AP1M1: variants seen among roughly 807,000 people sequenced by gnomAD.
The protein encoded by AP1M1 is adaptor related protein complex 1 subunit mu 1.
Under a neutral mutation model 57.1 loss-of-function variants are expected in AP1M1, and 18 were observed. The observed-to-expected ratio is 0.32, with a 90% CI of 0.22 to 0.47. The LOEUF is 0.47. AP1M1 is among the 20% of genes least tolerant of loss of function. The probability of loss-of-function intolerance (pLI) is 1.00; values close to 1 mark genes in which losing one functional copy is unlikely to be tolerated. For missense variants in AP1M1, 362 were observed against 593.5 expected (o/e 0.61, Z 4.05); for synonymous variants, 241 against 237.9 (o/e 1.01, Z -0.12).
At position 16,227,031 on chromosome 19, in the gene AP1M1, C is replaced by T. The variant is rs1159144644; in HGVS notation, c.673+484C>T. On this transcript the variant is annotated intron_variant, in intron 6 of 11. Transcript: ENST00000291439. The surrounding 1 kb of genome is among the most constrained non-coding windows in gnomAD (Gnocchi z 6.2). ...GTGCCTCCCACTCAGCTGTCACAGG[C>T]CACTGGAAGAGGGTGCAGTGGCTGG... Among the ~76,000 whole-genome samples, 1 of 152,168 alleles carries T rather than the reference C, an allele frequency of 6.6e-6. No homozygotes were observed. Among genetic ancestry groups the T allele is most frequent in the Non-Finnish European group, 1.5e-5 (1 of 68,006 alleles).
At chr19:16,209,338 C>CTT in intron 5 of AP1M1, 161 bp downstream of exon 5, 44 of 712,064 alleles carry the variant, frequency 6.2e-5, no homozygotes, top group Non-Finnish European at 7.3e-5. Context: ...TTTGTCTTAT[C>CTT]TTTTTTTTTT....
At position 16,197,975 on chromosome 19, in the gene AP1M1, T is replaced by TAGCTGCCGCCGCCACCGCCCTCGGC; in HGVS notation, c.-52_-51insAGCTGCCGCCGCCACCGCCCTCGGC. On this transcript the variant is annotated 5_prime_UTR_variant, in exon 1 of 12. Transcript: ENST00000291439. ...GCTCAACGCCCAGCAGTCCCCACCGTCGCTGCCGCCGCCACCGCCCTCGGC... is the reference window on the plus strand; with the variant it reads ...GCTCAACGCCCAGCAGTCCCCACCGTAGCTGCCGCCGCCACCGCCCTCGGCCGCTGCCGCCGCCACCGCCCTCGGC... 5 of 1,451,812 alleles carry TAGCTGCCGCCGCCACCGCCCTCGGC rather than the reference T, an allele frequency of 3.4e-6. No individual in the cohort carries two copies. Among genetic ancestry groups the TAGCTGCCGCCGCCACCGCCCTCGGC allele is most frequent in the South Asian group, 1.3e-5 (1 of 77,828 alleles). 89.9% of individuals were successfully genotyped at this position (1,451,812 alleles called of 1,614,324 possible).
At chr19:16,232,725 G>C (rs1430479785) in intron 9 of AP1M1, among the ~76,000 whole-genome samples, 1 of 152,248 alleles carries the variant, frequency 6.6e-6, no homozygotes, top group Non-Finnish European at 1.5e-5. Context: ...GGCGGCAGTA[G>C]CTCCCACGGA....
At chr19:16,226,726 A>G in intron 6 of AP1M1, 179 bp downstream of exon 6, 2 of 841,236 alleles carry the variant, frequency 2.4e-6, no homozygotes, top group Non-Finnish European at 3.5e-6. Context: ...TGGACATAGA[A>G]GGTGCAGGGG....
intron 1 of AP1M1, among the ~76,000 whole-genome samples, chr19:16,198,865 T>C (rs967851964): frequency 3.3e-5 from 5 of 152,056 alleles, no homozygotes; most frequent in African/African-American, 1.2e-4. Context: ...TGGAGTGTAG[T>C]GGTGCAATCT....
chr19:16,209,933 G>T (rs962334721), intron 5 of AP1M1, among the ~76,000 whole-genome samples: 1 of 152,096 alleles, frequency 6.6e-6, no homozygotes, highest in Non-Finnish European at 1.5e-5. Context: ...CCACACCCAG[G>T]ACACAGAACC....
rs1011741928 is a variant in AP1M1 at position 16,240,590 on chromosome 19, C to G, written c.*6155C>G. On this transcript the variant is annotated 3_prime_UTR_variant, in exon 12 of 12. Coordinates refer to ENST00000291439, the MANE Select transcript of AP1M1 (RefSeq NM_032493.4). Reference sequence around the variant, plus strand: ...TCAGCCTCCCAAGCAGCTGGGATTACAGGTGCACACCACCACGCCCGGCTA... The same window carrying G: ...TCAGCCTCCCAAGCAGCTGGGATTAGAGGTGCACACCACCACGCCCGGCTA... 3.3e-5 allele frequency: 5 copies of G among 152,080 alleles called. No homozygotes were observed. The highest frequency in any genetic ancestry group is 6.6e-5 in the Admixed American group (1 of 15,242). The allele number at this position is 152,080 out of a possible 1,614,324, so 9.4% of individuals were successfully genotyped here. A position where few individuals can be genotyped will look rare whatever the true frequency, so the allele number is the denominator to read the frequency against.
At chr19:16,226,348 G>T in intron 5 of AP1M1, 73 bp from the exon 6 acceptor site, 1 of 1,486,838 alleles carries the variant, frequency 6.7e-7, no homozygotes, top group Non-Finnish European at 9.0e-7. Flanking sequence ...TGGCCAGAGG[G>T]TCACATGATG....
In AP1M1 at chr19:16,228,258, G is replaced by A. The variant is rs2305937; in HGVS notation, c.888+50G>A. 1,054,087 of 1,587,626 alleles carry A rather than the reference G, an allele frequency of 0.66. 361,875 individuals carry two copies. Among genetic ancestry groups the A allele is most frequent in the Non-Finnish European group, 0.72 (830,931 of 1,161,820 alleles). Reference sequence around the variant, plus strand: ...GAGGGCCTTCTGGTGTCTCTGGCCCGTCCCAGGAGCCTAACCGAGGGCTGG... The same window carrying A: ...GAGGGCCTTCTGGTGTCTCTGGCCCATCCCAGGAGCCTAACCGAGGGCTGG... On this transcript the variant is annotated intron_variant, in intron 8 of 11. Transcript: ENST00000291439. The surrounding 1 kb of genome is among the most constrained non-coding windows in gnomAD (Gnocchi z 5.0).
In AP1M1 at chr19:16,238,308, T is replaced by TA. The variant is rs34983644; in HGVS notation, c.*3874dup. 0.55 allele frequency: 83,535 copies of TA among 152,030 alleles called. 25,955 individuals carry two copies. The highest frequency in any genetic ancestry group is 0.71 in the Non-Finnish European group (48,327 of 67,954). 9.4% of individuals were successfully genotyped at this position (152,030 alleles called of 1,614,324 possible). The stretch of plus-strand genomic sequence containing the variant: ...GAAATATCAGGTGTACAGTTACACT[T>TA]ACAGCAGCATAGTTCATGATAGCAG... On this transcript the variant is annotated 3_prime_UTR_variant, in exon 12 of 12. Coordinates refer to ENST00000291439, the MANE Select transcript of AP1M1 (RefSeq NM_032493.4).
chr19:16,232,409 C>G (rs531882526), intron 9 of AP1M1, among the ~76,000 whole-genome samples: 1 of 152,362 alleles, frequency 6.6e-6, no homozygotes, highest in African/African-American at 2.4e-5. Flanking sequence ...GCGTCTGCTT[C>G]CCTGCATTTT....
chr19:16,226,105 C>T (rs2091570005), intron 5 of AP1M1, among the ~76,000 whole-genome samples: 1 of 150,642 alleles, frequency 6.6e-6, no homozygotes, highest in African/African-American at 2.4e-5. Flanking sequence ...GCTCCAGGCA[C>T]GCATCATCAG....
At chr19:16,232,685 C>T (rs146318710) in intron 9 of AP1M1, among the ~76,000 whole-genome samples, 3 of 152,336 alleles carry the variant, frequency 2.0e-5, no homozygotes, top group Non-Finnish European at 4.4e-5. Context: ...GCACGGGGAC[C>T]GCCCCTGCTG....
intron 9 of AP1M1, among the ~76,000 whole-genome samples, chr19:16,230,858 A>G (rs147360056): frequency 3.4e-4 from 52 of 152,352 alleles, no homozygotes; most frequent in African/African-American, 1.2e-3. Context: ...TTAAATCACA[A>G]TGGAAAAAAG....
chr19:16,201,331 G>A (rs1356063256), intron 1 of AP1M1, among the ~76,000 whole-genome samples: 1 of 151,904 alleles, frequency 6.6e-6, no homozygotes, highest in African/African-American at 2.4e-5. Context: ...GATAAAGCAG[G>A]GGTCAGGGTT....
chr19:16,219,446 G>A (rs1196888576), intron 5 of AP1M1, among the ~76,000 whole-genome samples: 1 of 148,030 alleles, frequency 6.8e-6, no homozygotes, highest in African/African-American at 2.5e-5. Flanking sequence ...TGCCCAGGCT[G>A]GAGTGCAATG....
chr19:16,208,955 C>T, intron 4 of AP1M1, 75 bp from the exon 5 acceptor site: 1 of 1,540,872 alleles, frequency 6.5e-7, no homozygotes, highest in Non-Finnish European at 8.8e-7. Flanking sequence ...CCCAACCCTG[C>T]CGAAATGTCA....
chr19:16,208,246 T>C lies in AP1M1; in HGVS notation c.398+97T>C, dbSNP rs956118806. Reference sequence around the variant, plus strand: ...AACAGAAGGGGCAAATTTGTGTTCATGTTGTCCCCCACCTGCCTCCCACCT... The same window carrying C: ...AACAGAAGGGGCAAATTTGTGTTCACGTTGTCCCCCACCTGCCTCCCACCT... On this transcript the variant is annotated intron_variant, in intron 4 of 11. Coordinates refer to ENST00000291439, the MANE Select transcript of AP1M1 (RefSeq NM_032493.4). 3.6e-6 allele frequency: 5 copies of C among 1,374,440 alleles called. No individual in the cohort carries two copies. The African/African-American group carries it at 5.8e-5, about 16-fold the overall frequency. The allele number at this position is 1,374,440 out of a possible 1,614,324, so 85.1% of individuals were successfully genotyped here. A position where few individuals can be genotyped will look rare whatever the true frequency, so the allele number is the denominator to read the frequency against.
chr19:16,200,535 A>G (rs1170702256), intron 1 of AP1M1, among the ~76,000 whole-genome samples: 2 of 152,144 alleles, frequency 1.3e-5, no homozygotes, highest in African/African-American at 4.8e-5. Flanking sequence ...TTCCTCTGCA[A>G]CCATGATGCC....
Sources: gnomAD v4.1 joint callset for allele counts (sites outside exome capture counted in the v4.1 genomes callset) on GRCh38, gnomAD v4.1.1 for gene constraint, Gnocchi (gnomAD v3.1) non-coding constraint, MANE v1.5 for transcripts, NCBI Gene and HGNC (gene_info 2026-07-23, HGNC 2026-07-21) for gene names.